The following CILP2 variants were observed in gnomAD, a reference collection of about 807,000 sequenced individuals.
The protein encoded by CILP2 is CILP-2.
Under a neutral mutation model 45.6 loss-of-function variants are expected in CILP2, and 38 were observed. That is an observed-to-expected ratio of 0.83 (90% CI 0.64 to 1.09). The LOEUF is 1.09. Ranked by LOEUF, CILP2 falls within the 50% of genes least tolerant of loss-of-function variation. The pLI, the probability that CILP2 is intolerant of heterozygous loss-of-function variation, is 0.00. For synonymous variants in CILP2, 780 were observed against 723.5 expected (o/e 1.08, Z -1.25); for missense variants, 1,735 against 1,662.2 (o/e 1.04, Z -0.76).
chr19:19,540,069 G>GGCTC (rs1403373271), intron 2 of CILP2, 135 bp from the exon 3 acceptor site: 3 of 1,245,044 alleles, frequency 2.4e-6, no homozygotes, highest in Non-Finnish European at 3.2e-6. Context: ...TCAGGCCGCT[G>GGCTC]GCTCGGGTCG....
Position 19,546,041 on chromosome 19 carries a change from A to C in CILP2, c.*25A>C. ...ACCTGGGCAGGGGCCTCGCTTTCCC[A>C]CCTCCCTCCAGACTCCTTTGACCCC... On this transcript the variant is annotated 3_prime_UTR_variant, in exon 8 of 8. Transcript: ENST00000291495. 1.4e-6 allele frequency: 2 copies of C among 1,417,900 alleles called. No homozygotes were observed. Among genetic ancestry groups the C allele is most frequent in the East Asian group, 2.5e-5 (1 of 39,266 alleles). 87.8% of individuals were successfully genotyped at this position (1,417,900 alleles called of 1,614,324 possible).
chr19:19,539,714 C>T lies in CILP2; in HGVS notation c.100C>T (p.Leu34=), dbSNP rs759078983. Residue 34 remains leucine, a synonymous_variant, in exon 2 of 8, where the codon CTG becomes TTG. Coordinates refer to ENST00000291495, the MANE Select transcript of CILP2 (RefSeq NM_153221.2). ...CACCGAGGAGCCAATGGCGACTGCACTGGGCCTGGAAAGACGGTCCGTGTA... is the reference window on the plus strand; with the variant it reads ...CACCGAGGAGCCAATGGCGACTGCATTGGGCCTGGAAAGACGGTCCGTGTA... The part of the protein sequence containing the change: ...TPTEEPMATA[L]GLERRSVYTG... The T allele has an allele frequency of 5.2e-5, 83 of 1,605,412 alleles. 1 individual carries two copies. The highest frequency in any genetic ancestry group is 6.4e-5 in the Non-Finnish European group (75 of 1,175,420).
intron 4 of CILP2, among the ~76,000 whole-genome samples, chr19:19,541,736 C>G (rs2061245164): frequency 6.6e-6 from 1 of 152,204 alleles, no homozygotes; most frequent in African/African-American, 2.4e-5. Flanking sequence ...ACACAGACAC[C>G]CGCTCACAGC....
At chr19:19,539,844 G>A (rs1600375664) in intron 2 of CILP2, 67 bp downstream of exon 2, 2 of 1,306,308 alleles carry the variant, frequency 1.5e-6, no homozygotes, top group East Asian at 2.7e-5. Flanking sequence ...TTGGGCTACT[G>A]GGGTCGTGTG....
In CILP2 at chr19:19,545,516, G is replaced by A; in HGVS notation, c.2971G>A (p.Val991Met). 3 of 1,612,604 alleles carry A rather than the reference G, an allele frequency of 1.9e-6. No individual in the cohort carries two copies. Among genetic ancestry groups the A allele is most frequent in the African/African-American group, 1.3e-5 (1 of 75,060 alleles). Residue 991 changes from valine (V) to methionine (M), a missense_variant, in exon 8 of 8, where the codon GTG (valine) becomes ATG (methionine). Transcript: ENST00000291495. ...GCGTCCGGGCACCTCGGCAGCCTGCGTGGAGTTCAAGTGCAGCGGGATGCT... is the reference window on the plus strand; with the variant it reads ...GCGTCCGGGCACCTCGGCAGCCTGCATGGAGTTCAAGTGCAGCGGGATGCT... ...PERPGTSAAC[V>M]EFKCSGMLFD... is the part of the protein sequence containing the mutation.
chr19:19,544,457 C>T lies in CILP2; in HGVS notation c.1912C>T (p.Arg638Cys), dbSNP rs770728023. The T allele has an allele frequency of 1.2e-6, 2 of 1,609,014 alleles. No homozygotes were observed. Among genetic ancestry groups the T allele is most frequent in the Non-Finnish European group, 8.5e-7 (1 of 1,179,638 alleles). The change falls in exon 8 of 8, where the codon CGC becomes TGC. Residue 638 changes from arginine to cysteine, a missense_variant. Physicochemically the swap from Arg to Cys is radical, Grantham distance 180. Transcript: ENST00000291495. Reference sequence around the variant, plus strand: ...CAGCGACGGCGAGCTGGCTCCACTGCGCACCTACGGCATGTTCTCCGTGGA... The same window carrying T: ...CAGCGACGGCGAGCTGGCTCCACTGTGCACCTACGGCATGTTCTCCGTGGA... Reference protein sequence around the residue: ...VDSDGELAPLRTYGMFSVDLR... With the variant: ...VDSDGELAPLCTYGMFSVDLR...
chr19:19,540,376 C>T lies in CILP2; in HGVS notation c.336C>T (p.Arg112=). Residue 112 remains arginine, a synonymous_variant, in exon 3 of 8, where the codon CGC becomes CGT. Transcript: ENST00000291495. ...DWALPSAVGE[R]VHLNPTRGFW... ...CCCTGCCGTCCGCCGTCGGCGAGCGCGTGCACTTGAACCCCACGCGCGGCT... is the reference window on the plus strand; with the variant it reads ...CCCTGCCGTCCGCCGTCGGCGAGCGTGTGCACTTGAACCCCACGCGCGGCT... The T allele has an allele frequency of 1.3e-6, 2 of 1,543,982 alleles. No homozygotes were observed. The highest frequency in any genetic ancestry group is 1.7e-6 in the Non-Finnish European group (2 of 1,150,160).
At position 19,538,404 on chromosome 19, in the gene CILP2, G is replaced by C. The variant is rs765987770; in HGVS notation, c.55G>C (p.Gly19Arg). ...CTGTGTCGTCGCTGCGCACCTGGCG[G>C]GGGCCCGAGGTGAGGCGCCTCCAGC... ...CLCVVAAHLA[G>R]ARDATPTEEP... The change falls in exon 1 of 8, where the codon GGG becomes CGG. Residue 19 changes from glycine to arginine, a missense_variant. By Grantham distance (125) the Gly-to-Arg change is moderately radical (BLOSUM62 -2). Transcript: ENST00000291495. 1.9e-6 allele frequency: 3 copies of C among 1,554,384 alleles called. No homozygotes were observed. The Admixed American group carries it at 5.4e-5, about 28-fold the overall frequency.
In CILP2 at chr19:19,544,011, G is replaced by T; in HGVS notation, c.1466G>T (p.Arg489Leu). Reference sequence around the variant, plus strand: ...GCTGCTGACTCCGGGGAGCCGCTACGCTTCGCCAGGATTCTGCTGGGCCAG... The same window carrying T: ...GCTGCTGACTCCGGGGAGCCGCTACTCTTCGCCAGGATTCTGCTGGGCCAG... ...VVAADSGEPL[R>L]FARILLGQEP... The change falls in exon 8 of 8, where the codon CGC (arginine) becomes CTC (leucine). Residue 489 changes from arginine (R) to leucine (L), a missense_variant. By Grantham distance (102) the Arg-to-Leu change is moderately radical. Coordinates refer to ENST00000291495, the MANE Select transcript of CILP2 (RefSeq NM_153221.2). The T allele has an allele frequency of 6.2e-7, 1 of 1,613,706 alleles. No individual in the cohort carries two copies. The highest frequency in any genetic ancestry group is 8.5e-7 in the Non-Finnish European group (1 of 1,179,850).
At position 19,543,919 on chromosome 19, in the gene CILP2, G is replaced by C; in HGVS notation, c.1374G>C (p.Lys458Asn). ...GCCCTGGCTACGTCCTCCCAGTGAAGGTGGTGGCAGAGTGTGGCTGCCAGA... is the reference window on the plus strand; with the variant it reads ...GCCCTGGCTACGTCCTCCCAGTGAACGTGGTGGCAGAGTGTGGCTGCCAGA... ...IHCPGYVLPV[K>N]VVAECGCQKC... Residue 458 changes from lysine (K) to asparagine (N), a missense_variant, in exon 8 of 8, where the codon AAG becomes AAC. Coordinates refer to ENST00000291495, the MANE Select transcript of CILP2 (RefSeq NM_153221.2). 1 of 1,613,676 alleles carries C rather than the reference G, an allele frequency of 6.2e-7. No individual in the cohort carries two copies. The highest frequency in any genetic ancestry group is 2.2e-5 in the East Asian group (1 of 44,862).
rs766731964 is a variant in CILP2, at chr19:19,543,700, C to T, written c.1155C>T (p.Cys385=). ...LTVLAPGQPA[C]DPRPREYLIK... is the part of the protein sequence containing the mutation. ...CCCCAGCCCCAGGCCAGCCAGCCTG[C>T]GACCCCCGGCCCCGAGAGTACCTGA... Residue 385 remains cysteine, a synonymous_variant, in exon 8 of 8, where the codon TGC becomes TGT. Transcript: ENST00000291495. The T allele has an allele frequency of 1.9e-5, 30 of 1,594,582 alleles. No homozygotes were observed. The highest frequency in any genetic ancestry group is 3.4e-5 in the Admixed American group (2 of 58,450).
rs1005975684 is a variant in CILP2 at position 19,543,867 on chromosome 19, G to A, written c.1322G>A (p.Arg441His). 11 of 1,613,874 alleles carry A rather than the reference G, an allele frequency of 6.8e-6. No individual in the cohort carries two copies. Among genetic ancestry groups the A allele is most frequent in the Admixed American group, 6.7e-5 (4 of 60,010 alleles). ...GDASSRCCSV[R>H]RLERREIHCP... ...GCCAGCTCCCGCTGCTGCTCTGTGC[G>A]CCGTCTGGAGAGAAGGGAGATTCAC... Residue 441 changes from arginine (R) to histidine (H), a missense_variant, in exon 8 of 8, where the codon CGC (arginine) becomes CAC (histidine). Arg to His is a conservative substitution (Grantham distance 29). Coordinates refer to ENST00000291495, the MANE Select transcript of CILP2 (RefSeq NM_153221.2).
intron 5 of CILP2, 66 bp downstream of exon 5, chr19:19,542,716 A>AAG (rs10664406): frequency 0.2 from 313,779 of 1,597,794 alleles, 34,812 homozygotes; most frequent in African/African-American, 0.45. Flanking sequence ...CTAGCACTCG[A>AAG]TCAAGAGAGG....
intron 2 of CILP2, 55 bp downstream of exon 2, chr19:19,539,832 G>A: frequency 1.4e-6 from 2 of 1,425,526 alleles, no homozygotes; most frequent in Non-Finnish European, 9.5e-7. Context: ...TGGGGGTGGG[G>A]CTTGGGCTAC....
chr19:19,542,684 C>T, intron 5 of CILP2, 34 bp downstream of exon 5: 3 of 1,605,582 alleles, frequency 1.9e-6, no homozygotes, highest in Non-Finnish European at 2.6e-6. Flanking sequence ...CATGAAGGGG[C>T]TGAGGATCTG....
chr19:19,544,789 G>T lies in CILP2; in HGVS notation c.2244G>T (p.Lys748Asn). 3 of 1,606,360 alleles carry T rather than the reference G, an allele frequency of 1.9e-6. No homozygotes were observed. The highest frequency in any genetic ancestry group is 2.5e-6 in the Non-Finnish European group (3 of 1,179,620). Residue 748 changes from lysine (K) to asparagine (N), a missense_variant, in exon 8 of 8, where the codon AAG becomes AAT. By Grantham distance (94) the Lys-to-Asn change is moderately conservative. Coordinates refer to ENST00000291495, the MANE Select transcript of CILP2 (RefSeq NM_153221.2). ...AGGTGCGCGCCTACGCCAACGACAA[G>T]TTCACCCCCAGCGAGCAGGTGGAGG... Reference protein sequence around the residue: ...FVKVRAYANDKFTPSEQVEGV... With the variant: ...FVKVRAYANDNFTPSEQVEGV...
rs149941330 is a variant in CILP2, at chr19:19,545,947, C to T, written c.3402C>T (p.Ser1134=). ...TALGDIRREM[S]EAAQAQARAS... ...TTGGTGACATCCGCAGGGAGATGAGCGAGGCGGCGCAGGCACAGGCCCGGG... is the reference window on the plus strand; with the variant it reads ...TTGGTGACATCCGCAGGGAGATGAGTGAGGCGGCGCAGGCACAGGCCCGGG... Residue 1134 remains serine (S), a synonymous_variant, in exon 8 of 8, where the codon AGC becomes AGT. Coordinates refer to ENST00000291495, the MANE Select transcript of CILP2 (RefSeq NM_153221.2). 4.3e-4 allele frequency: 675 copies of T among 1,558,902 alleles called. 3 individuals carry two copies. The African/African-American group carries it at 7.9e-3, about 18-fold the overall frequency.
rs749487084 is a variant in CILP2, at chr19:19,544,439, G to A, written c.1894G>A (p.Gly632Ser). 4.3e-6 allele frequency: 7 copies of A among 1,609,810 alleles called. No homozygotes were observed. Among genetic ancestry groups the A allele is most frequent in the South Asian group, 2.2e-5 (2 of 91,040 alleles). ...TGACCTGCGCTTCGTGGACAGCGAC[G>A]GCGAGCTGGCTCCACTGCGCACCTA... ...PSDLRFVDSD[G>S]ELAPLRTYGM... Residue 632 changes from glycine (G) to serine (S), a missense_variant, in exon 8 of 8, where the codon GGC becomes AGC. Coordinates refer to ENST00000291495, the MANE Select transcript of CILP2 (RefSeq NM_153221.2).
intron 6 of CILP2, 80 bp from the exon 7 acceptor site, chr19:19,543,168 C>T: frequency 2.0e-6 from 3 of 1,481,442 alleles, no homozygotes; most frequent in Non-Finnish European, 2.8e-6. Context: ...CAAAGCCTCT[C>T]TGCAGCTCCC....
Sources: gnomAD v4.1 joint callset for allele counts (sites outside exome capture counted in the v4.1 genomes callset) on GRCh38, gnomAD v4.1.1 for gene constraint, MANE v1.5 for transcripts, NCBI Gene and HGNC (gene_info 2026-07-23, HGNC 2026-07-21) for gene names.